Variants in PCSK5 observed in about 807,000 individuals in gnomAD.
PCSK5 encodes prohormone convertase 5.
Under a neutral mutation model 233.2 loss-of-function variants are expected in PCSK5, and 129 were observed. The ratio of observed to expected loss-of-function variants is 0.55; its 90% CI spans 0.48 to 0.64. The LOEUF is 0.64. Among genes scored for constraint, PCSK5 ranks in the 30% least tolerant of loss-of-function variants. The pLI is 0.00. For synonymous variants in PCSK5, 825 were observed against 879.2 expected (o/e 0.94, Z 1.09); for missense variants, 2,076 against 2,430.1 (o/e 0.85, Z 3.06).
chr9:76,307,359 T>C (rs1385901446), intron 28 of PCSK5, among the ~76,000 whole-genome samples: 1 of 152,156 alleles, frequency 6.6e-6, no homozygotes, highest in Non-Finnish European at 1.5e-5. Context: ...GATGTCAACA[T>C]TGATTGAGGG....
At chr9:75,974,018 C>G (rs1825912106) in intron 2 of PCSK5, among the ~76,000 whole-genome samples, 2 of 152,228 alleles carry the variant, frequency 1.3e-5, no homozygotes, top group Admixed American at 1.3e-4. Context: ...TTCGCTGCTC[C>G]TGGGTCTTCA....
At chr9:76,085,615 A>C (rs375862576) in intron 7 of PCSK5, among the ~76,000 whole-genome samples, 14 of 152,342 alleles carry the variant, frequency 9.2e-5, no homozygotes, top group African/African-American at 3.4e-4. Flanking sequence ...TCTCTAAAGC[A>C]TAATTTGTTT....
intron 20 of PCSK5, among the ~76,000 whole-genome samples, chr9:76,213,540 C>A (rs1564112404): frequency 6.6e-6 from 1 of 152,030 alleles, no homozygotes; most frequent in Non-Finnish European, 1.5e-5. Flanking sequence ...ACTCCCTCAC[C>A]CTGGCTTACT....
intron 25 of PCSK5, among the ~76,000 whole-genome samples, chr9:76,293,128 G>T: frequency 6.6e-6 from 1 of 151,636 alleles, no homozygotes; most frequent in Non-Finnish European, 1.5e-5. Context: ...GGCCTTTGGC[G>T]GGTCACCTCC....
At chr9:75,976,641 G>T (rs903131698) in intron 2 of PCSK5, among the ~76,000 whole-genome samples, 11 of 151,530 alleles carry the variant, frequency 7.3e-5, no homozygotes, top group African/African-American at 2.7e-4. Flanking sequence ...AAAAACAGTT[G>T]CTTATGGGTA....
At chr9:76,307,379 T>C (rs1453685898) in intron 28 of PCSK5, among the ~76,000 whole-genome samples, 1 of 152,186 alleles carries the variant, frequency 6.6e-6, no homozygotes, top group Non-Finnish European at 1.5e-5. Context: ...GTCAGGGTCA[T>C]TGAAATCCCA....
rs1301632049 is a variant in PCSK5, at chr9:76,233,440, A to ATTAG, written c.2730-20_2730-19insTTAG. On this transcript the variant is annotated intron_variant, in intron 21 of 37. Transcript: ENST00000674117. Reference sequence around the variant, plus strand: ...TGGAAAGTCACCCTGATGAATTCTAAAAGTCTGCTTTTCCTCTAGGATTTT... The same window carrying ATTAG: ...TGGAAAGTCACCCTGATGAATTCTAATTAGAAGTCTGCTTTTCCTCTAGGATTTT... 3.7e-6 allele frequency: 6 copies of ATTAG among 1,612,214 alleles called. No homozygotes were observed. The African/African-American group carries it at 8.0e-5, about 22-fold the overall frequency.
chr9:76,043,794 A>C (rs1031398521), intron 5 of PCSK5, among the ~76,000 whole-genome samples: 1 of 151,646 alleles, frequency 6.6e-6, no homozygotes, highest in Admixed American at 6.6e-5. Context: ...CTGGTCTTGA[A>C]CTCCTGGGCT....
chr9:76,245,089 A>G (rs1826546790), intron 24 of PCSK5, among the ~76,000 whole-genome samples: 1 of 152,134 alleles, frequency 6.6e-6, no homozygotes, highest in South Asian at 2.1e-4. Flanking sequence ...TAATTTAGGG[A>G]ATGTAGCAAT....
At chr9:76,205,109 T>C (rs1460960113) in intron 20 of PCSK5, 3 of 518,794 alleles carry the variant, frequency 5.8e-6, no homozygotes, top group African/African-American at 5.8e-5. Flanking sequence ...TTTCTTTAGG[T>C]TTGCTGCCTA....
intron 2 of PCSK5, among the ~76,000 whole-genome samples, chr9:75,968,959 T>C (rs1440351000): frequency 1.3e-5 from 2 of 150,436 alleles, no homozygotes; most frequent in Non-Finnish European, 1.5e-5. Flanking sequence ...AACATTTGTG[T>C]TCACTGGAAT....
chr9:76,354,400 G>A (rs1830246240), intron 37 of PCSK5, among the ~76,000 whole-genome samples, 181 bp downstream of exon 37: 5 of 152,200 alleles, frequency 3.3e-5, no homozygotes, highest in Admixed American at 3.3e-4. Flanking sequence ...CACAAGTAGG[G>A]ATTATCAGTC....
intron 24 of PCSK5, among the ~76,000 whole-genome samples, chr9:76,278,214 T>C (rs1009892514): frequency 2.0e-5 from 3 of 152,194 alleles, no homozygotes; most frequent in African/African-American, 7.2e-5. Context: ...CTCGTATTCA[T>C]TGGCCTCCTT....
At chr9:76,078,730 T>G (rs1342030524) in intron 7 of PCSK5, among the ~76,000 whole-genome samples, 1 of 152,226 alleles carries the variant, frequency 6.6e-6, no homozygotes, top group East Asian at 1.9e-4. Flanking sequence ...ACTGTAGGCT[T>G]TTAGTATAGT....
At chr9:76,097,953 A>G (rs1831603811) in intron 8 of PCSK5, among the ~76,000 whole-genome samples, 1 of 152,156 alleles carries the variant, frequency 6.6e-6, no homozygotes, top group South Asian at 2.1e-4. Context: ...CATTTAGCCA[A>G]GACCCTGCTT....
In PCSK5 at chr9:76,316,670, C is replaced by T. The variant is rs143858774; in HGVS notation, c.3885-4752C>T. 6.3e-3 allele frequency among the ~76,000 whole-genome samples: 887 copies of T among 139,784 alleles called. 6 individuals carry two copies. The highest frequency in any genetic ancestry group is 0.022 in the African/African-American group (800 of 36,644). 91.7% of individuals were successfully genotyped at this position (139,784 alleles called of 152,430 possible). ...GGAGGATCACTTGAGCCCAGCAAGT[C>T]GAGGCTGCAGTGAGCCATGATCACA... On this transcript the variant is annotated intron_variant, in intron 30 of 37. Coordinates refer to ENST00000674117, the MANE Select transcript of PCSK5 (RefSeq NM_001372043.1).
At chr9:76,060,707 T>C (rs1349281678) in intron 5 of PCSK5, among the ~76,000 whole-genome samples, 1 of 152,236 alleles carries the variant, frequency 6.6e-6, no homozygotes, top group Non-Finnish European at 1.5e-5. Context: ...TGAATCAGTC[T>C]AAAGTCTGTA....
rs561244506 is a variant in PCSK5, at chr9:75,965,530, CCTT to C, written c.298-20596_298-20594del. Among the ~76,000 whole-genome samples the C allele has an allele frequency of 1.2e-4, 18 of 152,216 alleles. No individual in the cohort carries two copies. In the South Asian group the frequency reaches 3.7e-3, roughly 32 times the overall value. ...GCACGTGGGAAGGGAATGCATCCTC[CCTT>C]CTTCTGCTTTTTGTTTTATTCAGGC... On this transcript the variant is annotated intron_variant, in intron 2 of 37. Transcript: ENST00000674117.
intron 24 of PCSK5, among the ~76,000 whole-genome samples, chr9:76,265,538 A>G (rs913083805): frequency 2.6e-5 from 4 of 152,176 alleles, no homozygotes; most frequent in African/African-American, 9.6e-5. Flanking sequence ...CCTAGAATAG[A>G]TCTCTATTGA....
Sources: allele counts gnomAD v4.1 joint callset (sites outside exome capture counted in the v4.1 genomes callset), GRCh38; gene constraint gnomAD v4.1.1; transcripts MANE v1.5; gene names NCBI Gene and HGNC (gene_info 2026-07-23, HGNC 2026-07-21).